The following ZBTB46 variants were observed in gnomAD, a reference collection of about 807,000 sequenced individuals.
ZBTB46 encodes the protein zinc finger and BTB domain-containing protein 46.
ZBTB46 carries 8 observed loss-of-function variants against 44.1 expected under a neutral mutation model. The ratio of observed to expected loss-of-function variants is 0.18; its 90% CI spans 0.11 to 0.33. The LOEUF (loss-of-function observed/expected upper bound fraction) is 0.33. ZBTB46 is among the 10% of genes least tolerant of loss of function. The pLI, the probability that ZBTB46 is intolerant of heterozygous loss-of-function variation, is 1.00. For synonymous variants in ZBTB46, 409 were observed against 382.3 expected, an observed-to-expected ratio of 1.07 and a Z score of -0.81; for missense variants, 651 against 847.7, an observed-to-expected ratio of 0.77 and a Z score of 2.88.
chr20:63,764,087 G>T (rs1326875918), intron 3 of ZBTB46, among the ~76,000 whole-genome samples: 1 of 151,554 alleles, frequency 6.6e-6, no homozygotes, highest in African/African-American at 2.4e-5. Flanking sequence ...TCCCACCTCA[G>T]CCTCCCAAGT....
chr20:63,771,823 G>A (rs1019915310), intron 3 of ZBTB46, among the ~76,000 whole-genome samples: 5 of 152,132 alleles, frequency 3.3e-5, no homozygotes, highest in African/African-American at 7.2e-5. Flanking sequence ...AGTGCATGCC[G>A]GAAACAGGCA....
At chr20:63,770,886 C>T (rs568244602) in intron 3 of ZBTB46, among the ~76,000 whole-genome samples, 1 of 152,346 alleles carries the variant, frequency 6.6e-6, no homozygotes, top group Non-Finnish European at 1.5e-5. Flanking sequence ...ACCACGCTAA[C>T]AAGAGGCCCA....
chr20:63,822,511 C>G (rs1400907073), intron 1 of ZBTB46, among the ~76,000 whole-genome samples: 2 of 152,148 alleles, frequency 1.3e-5, no homozygotes, highest in African/African-American at 2.4e-5. Context: ...CCGTGATTGG[C>G]CAAGGCTGGG....
At chr20:63,830,889 C>T (rs1220557122) in intron 1 of ZBTB46, among the ~76,000 whole-genome samples, 1 of 142,464 alleles carries the variant, frequency 7.0e-6, no homozygotes, top group African/African-American at 2.5e-5. Flanking sequence ...CCGGGGTCTC[C>T]GCCGCCGCCC....
intron 3 of ZBTB46, among the ~76,000 whole-genome samples, chr20:63,755,073 T>C (rs552916109): frequency 6.6e-6 from 1 of 152,216 alleles, no homozygotes; most frequent in Non-Finnish European, 1.5e-5. Context: ...CAACTTAGAA[T>C]GGACATGAGC....
intron 2 of ZBTB46, among the ~76,000 whole-genome samples, chr20:63,781,778 C>T (rs1367790478): frequency 1.5e-5 from 2 of 137,150 alleles, no homozygotes; most frequent in African/African-American, 2.7e-5. Flanking sequence ...GACAACAGAG[C>T]GAGACTCTGT....
At chr20:63,830,368 G>A (rs939044306) in intron 1 of ZBTB46, among the ~76,000 whole-genome samples, 1 of 151,734 alleles carries the variant, frequency 6.6e-6, no homozygotes, top group Admixed American at 6.6e-5. Context: ...GGCTCGCAGC[G>A]GACCCCGCTT....
chr20:63,779,227 TAA>T (rs773526505), intron 2 of ZBTB46, among the ~76,000 whole-genome samples: 82,206 of 151,208 alleles, frequency 0.54, 22,508 homozygotes, highest in South Asian at 0.62. Flanking sequence ...TTATTTTATT[TAA>T]TTAATTAATT....
In ZBTB46 at chr20:63,787,267, C is replaced by A. The variant is rs945191624; in HGVS notation, c.937+2554G>T. ...TCACCTGGTGGCGTGACAGGAATAGCCATCGCCATCCTAGCCATCGCCATC... is the reference window on the plus strand; with the variant it reads ...TCACCTGGTGGCGTGACAGGAATAGACATCGCCATCCTAGCCATCGCCATC... On this transcript the variant is annotated intron_variant, in intron 2 of 4. Transcript: ENST00000245663. This position sits in a 1 kb window ranked among gnomAD's most constrained non-coding sequence, Gnocchi z 4.6. Among the ~76,000 whole-genome samples, 8 of 152,000 alleles carry A rather than the reference C, an allele frequency of 5.3e-5. No individual in the cohort carries two copies. The highest frequency in any genetic ancestry group is 1.9e-4 in the African/African-American group (8 of 41,384).
chr20:63,833,641 T>G (rs1413571932), upstream of ZBTB46, among the ~76,000 whole-genome samples: 3 of 152,178 alleles, frequency 2.0e-5, no homozygotes, highest in Non-Finnish European at 2.9e-5. Flanking sequence ...ACGGGGCGGA[T>G]GAGGCTCTGG....
At chr20:63,798,314 T>C (rs561873147) in intron 1 of ZBTB46, among the ~76,000 whole-genome samples, 18 of 152,216 alleles carry the variant, frequency 1.2e-4, no homozygotes, top group African/African-American at 2.9e-4. Context: ...TGTAGATGTG[T>C]GGTATTATTT....
intron 1 of ZBTB46, among the ~76,000 whole-genome samples, chr20:63,825,315 C>T (rs929898262): frequency 4.0e-4 from 60 of 150,846 alleles, no homozygotes; most frequent in Non-Finnish European, 7.5e-4. Flanking sequence ...GCAGGAGATT[C>T]GCTTGAACCC....
At chr20:63,790,867 A>G in intron 1 of ZBTB46, 77 bp from the exon 2 acceptor site, 1 of 1,447,788 alleles carries the variant, frequency 6.9e-7, no homozygotes, top group Non-Finnish European at 9.1e-7. Context: ...GGGGCGCAGG[A>G]GGGCCATGGG....
In ZBTB46 at chr20:63,767,333, G is replaced by A. The variant is rs1026933232; in HGVS notation, c.1222+8345C>T. Among the ~76,000 whole-genome samples, 4 of 151,312 alleles carry A rather than the reference G, an allele frequency of 2.6e-5. No homozygotes were observed. The highest frequency in any genetic ancestry group is 9.7e-5 in the African/African-American group (4 of 41,140). On this transcript the variant is annotated intron_variant, in intron 3 of 4. Coordinates refer to ENST00000245663, the MANE Select transcript of ZBTB46 (RefSeq NM_001369741.1). This position sits in a 1 kb window ranked among gnomAD's most constrained non-coding sequence, Gnocchi z 5.0. Reference sequence around the variant, plus strand: ...GTAGGATCTCGGTCATCTGAACCCCGTCGGGCAGAAGCTGGAGGTCCACCC... The same window carrying A: ...GTAGGATCTCGGTCATCTGAACCCCATCGGGCAGAAGCTGGAGGTCCACCC...
At chr20:63,801,005 T>G (rs969064396) in intron 1 of ZBTB46, among the ~76,000 whole-genome samples, 2 of 152,228 alleles carry the variant, frequency 1.3e-5, no homozygotes. Context: ...CTGAGTCTGG[T>G]GGGGACTTGG....
At chr20:63,816,673 T>G (rs945365768) in intron 1 of ZBTB46, among the ~76,000 whole-genome samples, 1 of 152,094 alleles carries the variant, frequency 6.6e-6, no homozygotes, top group South Asian at 2.1e-4. Context: ...AGGGCTGAAA[T>G]GTGTCTGCTG....
intron 2 of ZBTB46, among the ~76,000 whole-genome samples, chr20:63,780,141 C>T (rs2092457178): frequency 6.6e-6 from 1 of 151,630 alleles, no homozygotes. Context: ...CATGGCGGTG[C>T]GTGCTTGTAA....
intron 1 of ZBTB46, among the ~76,000 whole-genome samples, chr20:63,807,864 G>A (rs1055345737): frequency 2.0e-5 from 3 of 152,248 alleles, no homozygotes; most frequent in African/African-American, 4.8e-5. Context: ...CCCGGTGTCT[G>A]GCCTCCGAGG....
chr20:63,746,818 A>T lies in ZBTB46; in HGVS notation c.*112T>A. 7.2e-7 allele frequency: 1 copy of T among 1,398,458 alleles called. No homozygotes were observed. Among genetic ancestry groups the T allele is most frequent in the Non-Finnish European group, 9.3e-7 (1 of 1,075,842 alleles). 86.6% of individuals were successfully genotyped at this position (1,398,458 alleles called of 1,614,324 possible). ...GGGGGGTGGGTTCAGGGGGAAGCAG[A>T]GGAGGGGCCGCGAGAGGGGTGAGCG... On this transcript the variant is annotated 3_prime_UTR_variant, in exon 5 of 5. Coordinates refer to ENST00000245663, the MANE Select transcript of ZBTB46 (RefSeq NM_001369741.1).
Sources: gnomAD v4.1 joint callset for allele counts (sites outside exome capture counted in the v4.1 genomes callset) on GRCh38, gnomAD v4.1.1 for gene constraint, Gnocchi (gnomAD v3.1) non-coding constraint, MANE v1.5 for transcripts, NCBI Gene and HGNC (gene_info 2026-07-23, HGNC 2026-07-21) for gene names.